PTPRN2: variants seen among roughly 807,000 people sequenced by gnomAD.
The protein encoded by PTPRN2 is protein tyrosine phosphatase receptor type N2, also known as receptor-type tyrosine-protein phosphatase N2.
In PTPRN2, 74 loss-of-function variants were observed where a neutral mutation model predicts 118.8. The observed-to-expected ratio is 0.62, with a 90% CI of 0.52 to 0.76. The LOEUF is 0.76. PTPRN2 is among the 30% of genes least tolerant of loss of function. PTPRN2 has a pLI of 0.00. For synonymous variants in PTPRN2, 641 were observed against 608.0 expected, an observed-to-expected ratio of 1.05 and a Z score of -0.80; for missense variants, 1,481 against 1,394.4, an observed-to-expected ratio of 1.06 and a Z score of -0.99.
chr7:158,329,697 G>T lies in PTPRN2; in HGVS notation c.164-12765C>A, dbSNP rs560548010. Among the ~76,000 whole-genome samples, 8 of 152,276 alleles carry T rather than the reference G, an allele frequency of 5.3e-5. 1 individual carries two copies. The highest frequency in any genetic ancestry group is 1.9e-4 in the African/African-American group (8 of 41,540). On this transcript the variant is annotated intron_variant, in intron 2 of 22. Coordinates refer to ENST00000389418, the MANE Select transcript of PTPRN2 (RefSeq NM_002847.5). ...CAGCCTTCATGGACTAAGACACTGC[G>T]TATTATTATCCCATTGACGCCATGT... is the stretch of plus-strand genomic sequence containing the variant.
intron 3 of PTPRN2, among the ~76,000 whole-genome samples, chr7:158,247,597 A>G (rs927351374): frequency 6.6e-6 from 1 of 150,922 alleles, no homozygotes; most frequent in Non-Finnish European, 1.5e-5. Flanking sequence ...AGCAAAGGGG[A>G]CTTGGGTGTC....
intron 5 of PTPRN2, among the ~76,000 whole-genome samples, chr7:158,189,656 C>T (rs1010717100): frequency 3.9e-5 from 6 of 152,214 alleles, no homozygotes; most frequent in South Asian, 2.1e-4. Flanking sequence ...CTTTTAATGA[C>T]GCCTCCCCCT....
intron 12 of PTPRN2, among the ~76,000 whole-genome samples, chr7:157,769,393 C>T (rs1046559812): frequency 5.9e-5 from 9 of 152,206 alleles, no homozygotes; most frequent in Non-Finnish European, 1.2e-4. Flanking sequence ...GATGACTCCC[C>T]TCATTGTCGG....
rs539359931 is a variant in PTPRN2 at position 158,100,276 on chromosome 7, T to C, written c.1643+10553A>G. Reference sequence around the variant, plus strand: ...GTGTGTGTGTGTGTGTGTGTGTGTGTGTGCCACGATTTCTTTATCTACTCA... The same window carrying C: ...GTGTGTGTGTGTGTGTGTGTGTGTGCGTGCCACGATTTCTTTATCTACTCA... On this transcript the variant is annotated intron_variant, in intron 10 of 22. Coordinates refer to ENST00000389418, the MANE Select transcript of PTPRN2 (RefSeq NM_002847.5). Among the ~76,000 whole-genome samples, 842 of 137,074 alleles carry C rather than the reference T, an allele frequency of 6.1e-3. 7 individuals carry two copies. Among genetic ancestry groups the C allele is most frequent in the African/African-American group, 0.019 (707 of 36,938 alleles). The allele number at this position is 137,074 out of a possible 152,430, so 89.9% of individuals were successfully genotyped here.
chr7:157,648,477 G>C, intron 14 of PTPRN2, among the ~76,000 whole-genome samples: 1 of 104,786 alleles, frequency 9.5e-6, no homozygotes, highest in Admixed American at 9.7e-5. Flanking sequence ...CCCATCCAGC[G>C]TGCACTGAAC....
intron 12 of PTPRN2, among the ~76,000 whole-genome samples, chr7:157,687,945 T>C (rs1055119931): frequency 1.3e-5 from 2 of 152,260 alleles, no homozygotes; most frequent in African/African-American, 4.8e-5. Context: ...ATTAATTCTC[T>C]GCATTACAAA....
chr7:158,153,983 C>T (rs1176768000), intron 6 of PTPRN2, among the ~76,000 whole-genome samples: 3 of 152,132 alleles, frequency 2.0e-5, no homozygotes, highest in Admixed American at 2.0e-4. Context: ...GATAGTGGCC[C>T]CACAGCCATG....
intron 14 of PTPRN2, among the ~76,000 whole-genome samples, chr7:157,633,217 T>C (rs1437517041): frequency 6.6e-6 from 1 of 151,874 alleles, no homozygotes; most frequent in Admixed American, 6.6e-5. Context: ...CTCAGCTCAC[T>C]GTAACCTCCA....
intron 12 of PTPRN2, among the ~76,000 whole-genome samples, chr7:157,687,418 T>C (rs1269988716): frequency 1.3e-5 from 2 of 152,228 alleles, no homozygotes; most frequent in Admixed American, 1.3e-4. Flanking sequence ...TGAGTCACGA[T>C]GTGCAGTATT....
chr7:158,184,820 A>G (rs1296961552), intron 5 of PTPRN2, among the ~76,000 whole-genome samples: 1 of 151,672 alleles, frequency 6.6e-6, no homozygotes, highest in Non-Finnish European at 1.5e-5. Flanking sequence ...TCTCAAAAGA[A>G]AAAAAAAAGA....
chr7:158,029,018 G>C (rs545435629), intron 11 of PTPRN2: 1 of 152,312 alleles, frequency 6.6e-6, no homozygotes, highest in Non-Finnish European at 1.5e-5. Flanking sequence ...AGCACATGGG[G>C]CTATTTTGCT....
At chr7:158,172,249 A>G (rs1563557030) in intron 5 of PTPRN2, among the ~76,000 whole-genome samples, 1 of 152,210 alleles carries the variant, frequency 6.6e-6, no homozygotes, top group Non-Finnish European at 1.5e-5. Context: ...TCTCATTTTC[A>G]CCACCTGCAA....
At chr7:157,659,056 G>A (rs1043880358) in intron 13 of PTPRN2, among the ~76,000 whole-genome samples, 4 of 151,880 alleles carry the variant, frequency 2.6e-5, no homozygotes, top group East Asian at 2.0e-4. Flanking sequence ...CCGGGCTGCC[G>A]GCTTCCTTGG....
At chr7:157,980,991 G>A (rs546569067) in intron 11 of PTPRN2, among the ~76,000 whole-genome samples, 1 of 151,938 alleles carries the variant, frequency 6.6e-6, no homozygotes, top group Non-Finnish European at 1.5e-5. Flanking sequence ...GGGGACAGGT[G>A]GGGGGTAAGT....
intron 11 of PTPRN2, among the ~76,000 whole-genome samples, chr7:157,962,502 C>A (rs1801614130): frequency 6.6e-6 from 1 of 152,232 alleles, no homozygotes; most frequent in African/African-American, 2.4e-5. Flanking sequence ...GACAGCAGAC[C>A]AAGGGTGCTT....
intron 12 of PTPRN2, among the ~76,000 whole-genome samples, chr7:157,818,396 G>A (rs1806573837): frequency 6.8e-6 from 1 of 147,222 alleles, no homozygotes; most frequent in Non-Finnish European, 1.5e-5. Context: ...CCTCAGAGAT[G>A]GGTGGGGTCA....
intron 2 of PTPRN2, among the ~76,000 whole-genome samples, chr7:158,466,307 C>G (rs574943247): frequency 2.1e-4 from 32 of 152,284 alleles, no homozygotes; most frequent in African/African-American, 6.3e-4. Flanking sequence ...CACATCTTCT[C>G]ATTCCTCGCC....
In PTPRN2 at chr7:158,501,916, G is replaced by A. The variant is rs748881197; in HGVS notation, c.113-12131C>T. On this transcript the variant is annotated intron_variant, in intron 1 of 22. Coordinates refer to ENST00000389418, the MANE Select transcript of PTPRN2 (RefSeq NM_002847.5). ...AGCTCACATCGTGGCTTCTAACCGC[G>A]TCACCATCCTCCTAGCTCTGCGGAT... Among the ~76,000 whole-genome samples the A allele has an allele frequency of 2.0e-4, 30 of 152,098 alleles. 1 individual carries two copies. The highest frequency in any genetic ancestry group is 3.4e-4 in the Non-Finnish European group (23 of 68,030).
At chr7:157,930,730 C>T (rs1201739504) in intron 11 of PTPRN2, among the ~76,000 whole-genome samples, 1 of 152,218 alleles carries the variant, frequency 6.6e-6, no homozygotes, top group Non-Finnish European at 1.5e-5. Flanking sequence ...CCTGGGGCAC[C>T]AGCCCCACAG....
Sources: allele counts gnomAD v4.1 joint callset (sites outside exome capture counted in the v4.1 genomes callset), GRCh38; gene constraint gnomAD v4.1.1; transcripts MANE v1.5; gene names NCBI Gene and HGNC (gene_info 2026-07-23, HGNC 2026-07-21).